KYNU: variants seen among roughly 807,000 people sequenced by gnomAD.
KYNU encodes L-kynurenine hydrolase.
Under a neutral mutation model 59.2 loss-of-function variants are expected in KYNU, and 54 were observed. The observed-to-expected ratio is 0.91, with a 90% confidence interval of 0.73 to 1.14. KYNU has a LOEUF of 1.14. KYNU is among the 50% of genes most tolerant of loss of function. KYNU has a pLI of 0.00. For missense variants in KYNU, 567 were observed against 554.4 expected (o/e 1.02, Z -0.23); for synonymous variants, 177 against 192.0 (o/e 0.92, Z 0.65).
intron 2 of KYNU, among the ~76,000 whole-genome samples, chr2:142,902,443 A>G (rs1361889192): frequency 1.3e-5 from 2 of 152,070 alleles, no homozygotes; most frequent in African/African-American, 4.8e-5. Context: ...GAGCTTCCTT[A>G]ATTAGTGTAT....
chr2:143,018,107 G>T (rs1439728718), intron 10 of KYNU, among the ~76,000 whole-genome samples: 1 of 152,120 alleles, frequency 6.6e-6, no homozygotes, highest in Admixed American at 6.5e-5. Context: ...TTACTCTGTT[G>T]ATAGTTTCTT....
chr2:142,891,506 T>C (rs1681713609), intron 2 of KYNU, among the ~76,000 whole-genome samples: 1 of 152,246 alleles, frequency 6.6e-6, no homozygotes. Flanking sequence ...TAGACTTTAG[T>C]AAGTACTTAT....
chr2:142,925,046 A>C (rs576716688), intron 3 of KYNU, among the ~76,000 whole-genome samples: 1 of 152,228 alleles, frequency 6.6e-6, no homozygotes, highest in South Asian at 2.1e-4. Context: ...CTACCAGAGT[A>C]AGGAGTAGGT....
At chr2:142,890,236 G>A (rs1681670771) in intron 2 of KYNU, among the ~76,000 whole-genome samples, 1 of 152,050 alleles carries the variant, frequency 6.6e-6, no homozygotes, top group Non-Finnish European at 1.5e-5. Flanking sequence ...CATACATGTG[G>A]AAAGATATCT....
chr2:142,892,288 T>C (rs998264457), intron 2 of KYNU, among the ~76,000 whole-genome samples: 1 of 152,338 alleles, frequency 6.6e-6, no homozygotes, highest in African/African-American at 2.4e-5. Context: ...TTCATTTGCA[T>C]TGGACTGTCT....
chr2:143,020,865 A>G (rs1686386521), intron 10 of KYNU, among the ~76,000 whole-genome samples: 2 of 152,192 alleles, frequency 1.3e-5, no homozygotes, highest in South Asian at 4.1e-4. Flanking sequence ...GCTATTGCTC[A>G]TTTATTTTCA....
chr2:142,977,485 G>A (rs979184813), intron 8 of KYNU, among the ~76,000 whole-genome samples: 5 of 151,348 alleles, frequency 3.3e-5, no homozygotes, highest in African/African-American at 7.3e-5. Context: ...TGCAGAAAAC[G>A]TAAGCTTTGG....
At chr2:142,886,723 A>G (rs923032228) in intron 2 of KYNU, among the ~76,000 whole-genome samples, 3 of 152,222 alleles carry the variant, frequency 2.0e-5, no homozygotes, top group Non-Finnish European at 4.4e-5. Flanking sequence ...ATGGGAGATA[A>G]GGGGCTTGGT....
intron 4 of KYNU, among the ~76,000 whole-genome samples, chr2:142,929,687 T>A (rs965669878): frequency 1.3e-5 from 2 of 152,096 alleles, no homozygotes; most frequent in African/African-American, 4.8e-5. Flanking sequence ...AGTTTATAGG[T>A]CATAGGATTA....
At chr2:142,957,156 G>A (rs916638346) in intron 6 of KYNU, among the ~76,000 whole-genome samples, 5 of 152,004 alleles carry the variant, frequency 3.3e-5, no homozygotes, top group African/African-American at 1.2e-4. Context: ...TACTAAAATG[G>A]ATCAAAATCC....
At chr2:142,882,378 G>A (rs1021982589) in intron 1 of KYNU, among the ~76,000 whole-genome samples, 3 of 150,926 alleles carry the variant, frequency 2.0e-5, no homozygotes, top group African/African-American at 7.3e-5. Context: ...TGTGCACAAC[G>A]TGTAGGTTTG....
chr2:142,878,048 G>A (rs924821030), intron 1 of KYNU, among the ~76,000 whole-genome samples: 2 of 151,992 alleles, frequency 1.3e-5, no homozygotes, highest in African/African-American at 4.8e-5. Context: ...GAGTTTAAGC[G>A]GTAAGATTAG....
intron 2 of KYNU, among the ~76,000 whole-genome samples, chr2:142,895,843 C>G (rs1251021187): frequency 6.6e-6 from 1 of 152,110 alleles, no homozygotes; most frequent in East Asian, 1.9e-4. Flanking sequence ...CACCACCACA[C>G]CAGTCTCATT....
intron 10 of KYNU, among the ~76,000 whole-genome samples, chr2:143,016,248 A>G (rs1686241881): frequency 6.6e-6 from 1 of 152,210 alleles, no homozygotes; most frequent in African/African-American, 2.4e-5. Flanking sequence ...AATAAGATTT[A>G]TGTACTTCAC....
chr2:142,985,804 T>A (rs1183523692), intron 9 of KYNU, 144 bp from the exon 10 acceptor site: 1 of 601,848 alleles, frequency 1.7e-6, no homozygotes, highest in East Asian at 2.9e-5. Context: ...CCTAAGCTTC[T>A]GTTTTATCAT....
chr2:142,960,135 C>A (rs545865309), intron 7 of KYNU, among the ~76,000 whole-genome samples: 1 of 152,312 alleles, frequency 6.6e-6, no homozygotes, highest in East Asian at 1.9e-4. Flanking sequence ...GATCTGCCCA[C>A]CTTGGCATCC....
intron 10 of KYNU, among the ~76,000 whole-genome samples, chr2:142,994,683 A>G (rs1685495803): frequency 6.6e-6 from 1 of 152,040 alleles, no homozygotes; most frequent in African/African-American, 2.4e-5. Context: ...ATAGATTGAA[A>G]TCTTAATTCT....
rs757073389 is a variant in KYNU, at chr2:142,885,475, A to G, written c.108A>G (p.Glu36=). The part of the protein sequence containing the change: ...DERVALHLDE[E]DKLRHFRECF... ...GGGTGGCTCTCCACCTAGATGAGGA[A>G]GATAAGCTGAGGCACTTCAGGGAGT... Residue 36 remains glutamate (E), a synonymous_variant, in exon 2 of 14, where the codon GAA becomes GAG. Coordinates refer to ENST00000264170, the MANE Select transcript of KYNU (RefSeq NM_003937.3). 1 of 1,614,038 alleles carries G rather than the reference A, an allele frequency of 6.2e-7. No individual in the cohort carries two copies. Among genetic ancestry groups the G allele is most frequent in the Non-Finnish European group, 8.5e-7 (1 of 1,179,970 alleles).
At chr2:142,957,935 G>A in intron 7 of KYNU, 1 of 483,704 alleles carries the variant, frequency 2.1e-6, no homozygotes, top group Non-Finnish European at 3.7e-6. Flanking sequence ...CATATGGCAA[G>A]CAAACTATTT....
Sources: allele counts gnomAD v4.1 joint callset (sites outside exome capture counted in the v4.1 genomes callset), GRCh38; gene constraint gnomAD v4.1.1; transcripts MANE v1.5; gene names NCBI Gene and HGNC (gene_info 2026-07-23, HGNC 2026-07-21).